DOCK1: variants seen among roughly 807,000 people sequenced by gnomAD.
The protein encoded by DOCK1 is dedicator of cytokinesis protein 1.
In DOCK1, 138 loss-of-function variants were observed where a neutral mutation model predicts 262.7. The observed-to-expected ratio is 0.53, with a 90% CI of 0.46 to 0.61. The LOEUF is 0.61. DOCK1 is among the 20% of genes least tolerant of loss of function. The pLI, the probability that DOCK1 is intolerant of heterozygous loss-of-function variation, is 0.00. For synonymous variants in DOCK1, 866 were observed against 867.4 expected (o/e 1.00, Z 0.03); for missense variants, 1,908 against 2,370.7 (o/e 0.80, Z 4.05).
At chr10:127,371,113 T>C (rs891245057) in intron 33 of DOCK1, among the ~76,000 whole-genome samples, 14 of 152,348 alleles carry the variant, frequency 9.2e-5, no homozygotes, top group African/African-American at 3.4e-4. Flanking sequence ...AAATGTACTA[T>C]CTCCAATTTA....
chr10:127,092,557 T>A (rs1564796963), intron 23 of DOCK1, among the ~76,000 whole-genome samples: 1 of 152,138 alleles, frequency 6.6e-6, no homozygotes, highest in African/African-American at 2.4e-5. Flanking sequence ...TTTCTAGGCA[T>A]TCTTTTTTTT....
intron 23 of DOCK1, among the ~76,000 whole-genome samples, chr10:127,095,661 C>CTGTGTGTGTGTGTGTGTGTGTG (rs61224822): frequency 7.3e-4 from 108 of 148,182 alleles, no homozygotes; most frequent in African/African-American, 2.6e-3. Context: ...GGCCAGGAAG[C>CTGTGTGTGTGTGTGTGTGTGTG]TGTGTGTGTG....
chr10:126,937,499 A>G (rs1309829629), intron 1 of DOCK1, among the ~76,000 whole-genome samples: 2 of 141,194 alleles, frequency 1.4e-5, no homozygotes, highest in Non-Finnish European at 3.0e-5. Context: ...TTTCTCCAAC[A>G]CTTGTTATTT....
chr10:127,021,286 C>A (rs2042403409), intron 13 of DOCK1, among the ~76,000 whole-genome samples: 1 of 152,150 alleles, frequency 6.6e-6, no homozygotes, highest in South Asian at 2.1e-4. Flanking sequence ...CTGCCTGAGC[C>A]TCCGGAGTAG....
intron 29 of DOCK1, among the ~76,000 whole-genome samples, chr10:127,283,248 C>G (rs953710151): frequency 6.6e-6 from 1 of 152,226 alleles, no homozygotes; most frequent in Non-Finnish European, 1.5e-5. Context: ...GGTTCCTTGT[C>G]TGCCACAAGC....
intron 19 of DOCK1, among the ~76,000 whole-genome samples, chr10:127,038,500 T>A (rs1293618330): frequency 6.6e-6 from 1 of 152,140 alleles, no homozygotes; most frequent in African/African-American, 2.4e-5. Flanking sequence ...GCCTCAGGTC[T>A]TTTTACTGTT....
At chr10:127,368,536 A>G (rs2065046453) in intron 33 of DOCK1, among the ~76,000 whole-genome samples, 1 of 151,652 alleles carries the variant, frequency 6.6e-6, no homozygotes, top group Non-Finnish European at 1.5e-5. Flanking sequence ...CCCTAAACTC[A>G]GGACTCTAGG....
chr10:127,357,229 C>G (rs571162562), intron 32 of DOCK1, among the ~76,000 whole-genome samples: 30 of 152,200 alleles, frequency 2.0e-4, no homozygotes, highest in Non-Finnish European at 4.0e-4. Context: ...TCCTGCCTTT[C>G]TAGTTTTCTG....
intron 48 of DOCK1, among the ~76,000 whole-genome samples, 177 bp from the exon 49 acceptor site, chr10:127,438,850 G>A (rs1591063400): frequency 6.6e-6 from 1 of 152,254 alleles, no homozygotes; most frequent in East Asian, 1.9e-4. Context: ...ATCTGTGTTG[G>A]GATTGAAACA....
chr10:126,959,689 A>C (rs1327719317), intron 1 of DOCK1, among the ~76,000 whole-genome samples: 1 of 152,186 alleles, frequency 6.6e-6, no homozygotes, highest in Non-Finnish European at 1.5e-5. Context: ...GATCGTTAGC[A>C]CCATTTGTTC....
At chr10:127,088,692 T>C (rs996290704) in intron 23 of DOCK1, among the ~76,000 whole-genome samples, 4 of 152,170 alleles carry the variant, frequency 2.6e-5, no homozygotes, top group Admixed American at 2.0e-4. Context: ...AATGCATTTA[T>C]GCTGACCTTT....
chr10:126,956,248 A>C (rs1257670257), intron 1 of DOCK1, among the ~76,000 whole-genome samples: 1 of 152,156 alleles, frequency 6.6e-6, no homozygotes, highest in Non-Finnish European at 1.5e-5. Flanking sequence ...ATCTGAGCAG[A>C]CTTCTCCCTC....
Position 127,175,103 on chromosome 10 carries a change from T to C in DOCK1, c.2847+47339T>C. The C allele has an allele frequency of 4.2e-6, 4 of 963,022 alleles. No homozygotes were observed. Among genetic ancestry groups the C allele is most frequent in the Admixed American group, 2.2e-5 (1 of 44,682 alleles). 59.7% of individuals were successfully genotyped at this position (963,022 alleles called of 1,614,324 possible). ...CCACGCCCTTAGACTATGACCTGTT[T>C]ACGGAAATGCTGGCTTTAGTCTCAT... is the stretch of plus-strand genomic sequence containing the variant. On this transcript the variant is annotated intron_variant, in intron 27 of 51. Transcript: ENST00000623213. This position sits in a 1 kb window ranked among gnomAD's most constrained non-coding sequence, Gnocchi z 6.3.
chr10:126,955,242 C>T (rs887805493), intron 1 of DOCK1, among the ~76,000 whole-genome samples: 8 of 152,172 alleles, frequency 5.3e-5, no homozygotes, highest in African/African-American at 1.9e-4. Flanking sequence ...TCTTGTGCCT[C>T]AGCCTCCCAA....
chr10:127,215,997 G>A (rs1022780303), intron 27 of DOCK1, among the ~76,000 whole-genome samples: 8 of 152,112 alleles, frequency 5.3e-5, no homozygotes, highest in African/African-American at 1.9e-4. Flanking sequence ...TTATCTAACT[G>A]CTGCTTTCCA....
Position 127,110,245 on chromosome 10 carries a change from C to T in DOCK1, c.2517-3C>T. 1.2e-6 allele frequency: 2 copies of T among 1,610,916 alleles called. No individual in the cohort carries two copies. The highest frequency in any genetic ancestry group is 2.2e-5 in the East Asian group (1 of 44,838). On this transcript the variant is annotated splice_polypyrimidine_tract_variant and splice_region_variant and intron_variant, in intron 24 of 51. Transcript: ENST00000623213. ...ATTATTTCCCTTGTGTTTTTCCTCA[C>T]AGCAAAATGTTTACTGAATTCATCC...
chr10:127,376,360 T>C (rs918037442), intron 35 of DOCK1, among the ~76,000 whole-genome samples: 1 of 152,182 alleles, frequency 6.6e-6, no homozygotes, highest in African/African-American at 2.4e-5. Flanking sequence ...TGCAGATGCA[T>C]CATGTGTCTT....
At chr10:127,087,635 A>G (rs1410596493) in intron 23 of DOCK1, among the ~76,000 whole-genome samples, 9 of 152,130 alleles carry the variant, frequency 5.9e-5, no homozygotes, top group Admixed American at 5.9e-4. Context: ...ACTCTTGCTG[A>G]AGTGTCCCTG....
chr10:127,241,218 C>A (rs958790358), intron 27 of DOCK1, among the ~76,000 whole-genome samples: 1 of 152,160 alleles, frequency 6.6e-6, no homozygotes, highest in African/African-American at 2.4e-5. Flanking sequence ...ACTCCGGAGG[C>A]TGAGGCAGGA....
Sources: allele counts gnomAD v4.1 joint callset (sites outside exome capture counted in the v4.1 genomes callset), GRCh38; gene constraint gnomAD v4.1.1; non-coding constraint Gnocchi (gnomAD v3.1); transcripts MANE v1.5; gene names NCBI Gene and HGNC (gene_info 2026-07-23, HGNC 2026-07-21).